XCR1: variants seen among roughly 807,000 people sequenced by gnomAD.
XCR1 encodes the protein chemokine XC receptor 1.
For missense variants in XCR1, 356 were observed against 424.2 expected, an observed-to-expected ratio of 0.84 and a Z score of 1.41; for synonymous variants, 187 against 188.5, an observed-to-expected ratio of 0.99 and a Z score of 0.06.
chr3:46,053,552 G>T (rs1222622287), intron 5 of XCR1, among the ~76,000 whole-genome samples: 1 of 152,132 alleles, frequency 6.6e-6, no homozygotes, highest in Non-Finnish European at 1.5e-5. Flanking sequence ...CTGCTGTCCC[G>T]CAGAATAATA....
intron 1 of XCR1, among the ~76,000 whole-genome samples, chr3:46,081,042 G>T (rs188050522): frequency 6.6e-6 from 1 of 152,128 alleles, no homozygotes; most frequent in Non-Finnish European, 1.5e-5. Context: ...AAACCTGCCC[G>T]TGCCAATGAG....
Position 46,047,800 on chromosome 3 carries a change from G to C in XCR1, c.-32+6120C>G, listed in dbSNP as rs530631991. 2.6e-5 allele frequency among the ~76,000 whole-genome samples: 4 copies of C among 152,326 alleles called. No individual in the cohort carries two copies. In the South Asian group the frequency reaches 8.3e-4, roughly 32 times the overall value. ...TGCCACCAATGCCAGCACAGTTTGT[G>C]CCATGATTTCTGATTTTTGTCTTTT... On this transcript the variant is annotated intron_variant, in intron 5 of 5. Transcript: ENST00000683768.
At chr3:46,048,186 G>A (rs1331103453) in intron 5 of XCR1, among the ~76,000 whole-genome samples, 1 of 152,122 alleles carries the variant, frequency 6.6e-6, no homozygotes, top group African/African-American at 2.4e-5. Context: ...TCTATGTCAG[G>A]GGGAGTTTGG....
At chr3:46,080,744 G>T (rs1226758778) in intron 1 of XCR1, among the ~76,000 whole-genome samples, 1 of 152,144 alleles carries the variant, frequency 6.6e-6, no homozygotes, top group Non-Finnish European at 1.5e-5. Context: ...CTTTCCCTTA[G>T]GGCTTCAATT....
At chr3:46,063,714 C>T (rs1698009408) in intron 4 of XCR1, among the ~76,000 whole-genome samples, 1 of 152,188 alleles carries the variant, frequency 6.6e-6, no homozygotes, top group Non-Finnish European at 1.5e-5. Flanking sequence ...ACTGTTTCCT[C>T]TGCCTGAAAA....
chr3:46,023,902 C>T, intron 1 of XCR1: 1 of 1,506,290 alleles, frequency 6.6e-7, no homozygotes, highest in Non-Finnish European at 9.2e-7. Flanking sequence ...GCTGAAAAGG[C>T]CAGACTTCTA....
chr3:46,021,603 G>A lies in XCR1; in HGVS notation c.345C>T (p.Ser115=). The change falls in exon 2 of 2, where the codon AGC becomes AGT. Residue 115 remains serine, a synonymous_variant. Transcript: ENST00000309285. The surrounding 1 kb of genome is among the most constrained non-coding windows in gnomAD (Gnocchi z 4.7). ...TCATGATGGTCAGGAAGAAGATGCT[G>A]CTGTAGAGGCTGATGGAGAAGATCA... The part of the protein sequence containing the change: ...LNMIFSISLY[S]SIFFLTIMTI... The A allele has an allele frequency of 6.2e-7, 1 of 1,612,894 alleles. No individual in the cohort carries two copies. The highest frequency in any genetic ancestry group is 8.5e-7 in the Non-Finnish European group (1 of 1,179,412).
chr3:46,074,737 G>A (rs1230338484), intron 2 of XCR1, among the ~76,000 whole-genome samples: 1 of 152,058 alleles, frequency 6.6e-6, no homozygotes, highest in East Asian at 1.9e-4. Flanking sequence ...AGAGGAAGAG[G>A]AGGGGTTGGT....
intron 5 of XCR1, among the ~76,000 whole-genome samples, chr3:46,038,561 G>A (rs113430187): frequency 0.019 from 2,910 of 152,132 alleles, 81 homozygotes; most frequent in African/African-American, 0.06. Flanking sequence ...TTTCTAACGA[G>A]TCATCATTTG....
At chr3:46,033,062 T>G (rs974381) in intron 5 of XCR1, among the ~76,000 whole-genome samples, 45 of 151,978 alleles carry the variant, frequency 3.0e-4, no homozygotes, top group Admixed American at 1.1e-3. Flanking sequence ...ATTTTCTCCC[T>G]GTATCTGGCT....
At chr3:46,034,890 G>A (rs1036942153) in intron 5 of XCR1, among the ~76,000 whole-genome samples, 7 of 152,096 alleles carry the variant, frequency 4.6e-5, no homozygotes, top group Non-Finnish European at 8.8e-5. Context: ...CCATATCACC[G>A]CATCCAGATA....
rs1575404002 is a variant in XCR1, at chr3:46,019,750, A to C, written c.*1196T>G. On this transcript the variant is annotated 3_prime_UTR_variant, in exon 2 of 2. Transcript: ENST00000309285. ...TTGAAAGCCTTGCTAAAGTGTATGG[A>C]CTTCATTTGTAAGTAATGAGGAGCC... 2 of 152,308 alleles carry C rather than the reference A, an allele frequency of 1.3e-5. No homozygotes were observed. Among genetic ancestry groups the C allele is most frequent in the South Asian group, 4.1e-4 (2 of 4,826 alleles). 9.4% of individuals were successfully genotyped at this position (152,308 alleles called of 1,614,324 possible).
Position 46,020,914 on chromosome 3 carries a change from C to G in XCR1, c.*32G>C. 6.3e-7 allele frequency: 1 copy of G among 1,594,160 alleles called. No homozygotes were observed. The highest frequency in any genetic ancestry group is 8.5e-7 in the Non-Finnish European group (1 of 1,170,124). ...TGACCCCCATTCCAGTCCCTGTCCA[C>G]CTGCACCTGCGCCTGCACCGCCACA... On this transcript the variant is annotated 3_prime_UTR_variant, in exon 2 of 2. Coordinates refer to ENST00000309285, the MANE Select transcript of XCR1 (RefSeq NM_001024644.2).
At chr3:46,059,719 T>C (rs543137923) in intron 4 of XCR1, among the ~76,000 whole-genome samples, 2 of 152,250 alleles carry the variant, frequency 1.3e-5, no homozygotes, top group Non-Finnish European at 2.9e-5. Context: ...TCATGACCAA[T>C]GTCCCTGACA....
At position 46,048,294 on chromosome 3, in the gene XCR1, A is replaced by T. The variant is rs145886549; in HGVS notation, c.-32+5626T>A. Reference sequence around the variant, plus strand: ...GCTGGGGGATTGGGAACATATGCCTAATATGTTTTTGCTTCTGCACAGGAA... The same window carrying T: ...GCTGGGGGATTGGGAACATATGCCTTATATGTTTTTGCTTCTGCACAGGAA... On this transcript the variant is annotated intron_variant, in intron 5 of 5. Coordinates refer to the XCR1 transcript ENST00000683768. Among the ~76,000 whole-genome samples the T allele has an allele frequency of 2.0e-3, 307 of 152,264 alleles. 4 individuals carry two copies. The highest frequency in any genetic ancestry group is 6.3e-4 in the Non-Finnish European group (43 of 68,030).
At position 46,075,709 on chromosome 3, in the gene XCR1, C is replaced by T. The variant is rs184469948; in HGVS notation, c.-327-994G>A. ...GAAAACAAAACAAACAAACAAAAAA[C>T]AACCAATTCAGTTAAAAAATAGGAA... On this transcript the variant is annotated intron_variant, in intron 2 of 5. Coordinates refer to the XCR1 transcript ENST00000683768. Among the ~76,000 whole-genome samples the T allele has an allele frequency of 2.3e-3, 354 of 152,062 alleles. 2 individuals are homozygous for T. The highest frequency in any genetic ancestry group is 0.017 in the Middle Eastern group (5 of 294).
At chr3:46,077,320 A>G (rs1698279024) in intron 1 of XCR1, among the ~76,000 whole-genome samples, 1 of 152,068 alleles carries the variant, frequency 6.6e-6, no homozygotes, top group African/African-American at 2.4e-5. Flanking sequence ...TTCTCATAGA[A>G]GTGCAAACCC....
chr3:46,019,396 G>T lies in XCR1; in HGVS notation c.*1550C>A, dbSNP rs1253367113. ...CCTGCCCTCAAGAAGCTTGCAGCCT[G>T]ATGGGGCAGGGAGATAAGACATTGC... On this transcript the variant is annotated 3_prime_UTR_variant, in exon 2 of 2. Coordinates refer to ENST00000309285, the MANE Select transcript of XCR1 (RefSeq NM_001024644.2). 1 of 152,222 alleles carries T rather than the reference G, an allele frequency of 6.6e-6. No individual in the cohort carries two copies. The highest frequency in any genetic ancestry group is 2.4e-5 in the African/African-American group (1 of 41,460). 9.4% of individuals were successfully genotyped at this position (152,222 alleles called of 1,614,324 possible).
intron 1 of XCR1, among the ~76,000 whole-genome samples, chr3:46,023,127 G>A (rs1408114832): frequency 1.3e-5 from 2 of 152,178 alleles, no homozygotes; most frequent in East Asian, 3.9e-4. Context: ...GCCGTGCGGG[G>A]TCGCGGCGGC....
Sources: gnomAD v4.1 joint callset for allele counts (sites outside exome capture counted in the v4.1 genomes callset) on GRCh38, gnomAD v4.1.1 for gene constraint, Gnocchi (gnomAD v3.1) non-coding constraint, MANE v1.5 for transcripts, NCBI Gene and HGNC (gene_info 2026-07-23, HGNC 2026-07-21) for gene names.